The following POU3F3 variants were observed in gnomAD, a reference collection of about 807,000 sequenced individuals.
POU3F3 encodes the protein POU domain, class 3, transcription factor 3.
POU3F3 carries 1 observed loss-of-function variant against 8.6 expected under a neutral mutation model. The ratio of observed to expected loss-of-function variants is 0.12; its 90% CI spans 0.04 to 0.55. The LOEUF is 0.55. POU3F3 is among the 20% of genes least tolerant of loss of function. POU3F3 has a pLI of 0.91. For synonymous variants in POU3F3, 418 were observed against 327.4 expected (o/e 1.28, Z -2.99); for missense variants, 577 against 690.7 (o/e 0.84, Z 1.84).
chr2:104,869,751 T>TC, the POU3F3 span: 6 of 151,902 alleles, frequency 3.9e-5, no homozygotes, highest in African/African-American at 9.7e-5. Flanking sequence ...CGCCCCTCGC[T>TC]CCCCCCCACC....
chr2:104,867,290 C>G, the POU3F3 span: 7 of 152,242 alleles, frequency 4.6e-5, no homozygotes, highest in African/African-American at 1.7e-4. This position sits in a 1 kb window ranked among gnomAD's most constrained non-coding sequence, Gnocchi z 5.0. Flanking sequence ...CTGGGCAGAT[C>G]CCCTGCGCCG....
chr2:104,861,539 A>T (rs1676655050), downstream of POU3F3, among the ~76,000 whole-genome samples: 2 of 152,192 alleles, frequency 1.3e-5, no homozygotes, highest in Admixed American at 1.3e-4. Context: ...AGGGAGTTGT[A>T]ATAAGAGTTG....
chr2:104,864,141 G>T, the POU3F3 span, among the ~76,000 whole-genome samples: 1 of 152,236 alleles, frequency 6.6e-6, no homozygotes, highest in Admixed American at 6.5e-5. Flanking sequence ...GCAGGCCTAG[G>T]CCTGCGGGGA....
chr2:104,911,001 G>A, the POU3F3 span, among the ~76,000 whole-genome samples: 1 of 152,160 alleles, frequency 6.6e-6, no homozygotes, highest in Non-Finnish European at 1.5e-5. Context: ...GAGGATGTAA[G>A]TAGGTCATAT....
the POU3F3 span, among the ~76,000 whole-genome samples, chr2:104,898,642 A>C: frequency 6.6e-6 from 1 of 152,238 alleles, no homozygotes; most frequent in Non-Finnish European, 1.5e-5. Flanking sequence ...AAGCCTTACT[A>C]ACAAAATGTA....
At chr2:104,912,111 T>C in the POU3F3 span, among the ~76,000 whole-genome samples, 9 of 152,078 alleles carry the variant, frequency 5.9e-5, no homozygotes, top group African/African-American at 2.2e-4. Context: ...GGTGCCGTCA[T>C]GGGAGCCATC....
At chr2:104,909,948 C>A in the POU3F3 span, among the ~76,000 whole-genome samples, 1 of 152,092 alleles carries the variant, frequency 6.6e-6, no homozygotes, top group East Asian at 1.9e-4. Flanking sequence ...AAAATGTGGG[C>A]CCAACTCACT....
chr2:104,909,817 A>G, the POU3F3 span, among the ~76,000 whole-genome samples: 2 of 152,350 alleles, frequency 1.3e-5, no homozygotes, highest in East Asian at 1.9e-4. Context: ...ATAAGGGGGA[A>G]AAAGCATGCA....
At chr2:104,894,785 G>C in the POU3F3 span, among the ~76,000 whole-genome samples, 1 of 152,214 alleles carries the variant, frequency 6.6e-6, no homozygotes, top group Non-Finnish European at 1.5e-5. Context: ...GACATGCTAA[G>C]GGGAGCTGGT....
At chr2:104,896,952 T>C in the POU3F3 span, among the ~76,000 whole-genome samples, 1 of 152,252 alleles carries the variant, frequency 6.6e-6, no homozygotes, top group Non-Finnish European at 1.5e-5. Context: ...ACTCTGGCTG[T>C]TGGATGCCCT....
the POU3F3 span, among the ~76,000 whole-genome samples, chr2:104,900,015 C>G: frequency 1.3e-5 from 2 of 152,202 alleles, no homozygotes; most frequent in East Asian, 3.9e-4. Flanking sequence ...ACAAGAATCA[C>G]AAGATGCCAT....
At chr2:104,873,520 C>A in the POU3F3 span, among the ~76,000 whole-genome samples, 1 of 152,174 alleles carries the variant, frequency 6.6e-6, no homozygotes, top group South Asian at 2.1e-4. Context: ...TGGCCAGCCC[C>A]GCGCGCGCAC....
the POU3F3 span, among the ~76,000 whole-genome samples, chr2:104,879,218 G>GGA: frequency 0.24 from 35,794 of 150,060 alleles, 4,194 homozygotes; most frequent in Middle Eastern, 0.36. Flanking sequence ...ACATACAGAT[G>GGA]GAGAGAGAGA....
the POU3F3 span, among the ~76,000 whole-genome samples, chr2:104,878,102 C>A: frequency 6.6e-6 from 1 of 152,176 alleles, no homozygotes; most frequent in African/African-American, 2.4e-5. Flanking sequence ...ACAGACTAAC[C>A]AGAAACTGGC....
the POU3F3 span, among the ~76,000 whole-genome samples, chr2:104,869,296 T>A: frequency 6.6e-6 from 1 of 152,214 alleles, no homozygotes; most frequent in Admixed American, 6.5e-5. Context: ...TAGGCCCACC[T>A]AGGGGAATGT....
the POU3F3 span, among the ~76,000 whole-genome samples, chr2:104,924,397 T>TA: frequency 6.6e-6 from 1 of 152,038 alleles, no homozygotes; most frequent in Non-Finnish European, 1.5e-5. Context: ...GGGAGGGGAG[T>TA]AAACTCAAAC....
At chr2:104,917,981 G>A in the POU3F3 span, among the ~76,000 whole-genome samples, 84 of 152,344 alleles carry the variant, frequency 5.5e-4, no homozygotes, top group Non-Finnish European at 2.6e-4. Context: ...AAAGCTAGCT[G>A]CAAGACAACC....
At chr2:104,871,118 G>C in the POU3F3 span, among the ~76,000 whole-genome samples, 2 of 152,174 alleles carry the variant, frequency 1.3e-5, no homozygotes, top group Non-Finnish European at 2.9e-5. Flanking sequence ...TCTAGGGTCT[G>C]CCGGATTATC....
At chr2:104,909,190 G>A in the POU3F3 span, among the ~76,000 whole-genome samples, 1 of 152,170 alleles carries the variant, frequency 6.6e-6, no homozygotes, top group Non-Finnish European at 1.5e-5. Context: ...AGTGAATTAT[G>A]AGGCCAAAAT....
Sources: allele counts gnomAD v4.1 joint callset (sites outside exome capture counted in the v4.1 genomes callset), GRCh38; gene constraint gnomAD v4.1.1; non-coding constraint Gnocchi (gnomAD v3.1); transcripts MANE v1.5; gene names NCBI Gene and HGNC (gene_info 2026-07-23, HGNC 2026-07-21).